CNTN4: variants seen among roughly 807,000 people sequenced by gnomAD.
CNTN4 encodes the protein contactin-4.
In CNTN4, 77 loss-of-function variants were observed where a neutral mutation model predicts 122.5. That is an observed-to-expected ratio of 0.63 (90% CI 0.52 to 0.76). The LOEUF (loss-of-function observed/expected upper bound fraction) is 0.76, where lower values mean the gene tolerates loss of function less well. CNTN4 is among the 30% of genes least tolerant of loss of function. The pLI, the probability that CNTN4 is intolerant of heterozygous loss-of-function variation, is 0.00. For missense variants in CNTN4, 1,256 were observed against 1,259.1 expected (o/e 1.00, Z 0.04); for synonymous variants, 512 against 447.0 (o/e 1.15, Z -1.83).
chr3:2,974,036 CCTT>C (rs972555551), intron 13 of CNTN4, among the ~76,000 whole-genome samples: 23 of 152,160 alleles, frequency 1.5e-4, no homozygotes, highest in African/African-American at 5.5e-4. Context: ...CTCTTACACT[CCTT>C]CTGAGAATAT....
At chr3:2,568,722 C>G (rs772168498) in intron 3 of CNTN4, among the ~76,000 whole-genome samples, 2 of 152,186 alleles carry the variant, frequency 1.3e-5, no homozygotes, top group African/African-American at 2.4e-5. Context: ...TTACTGTCCA[C>G]GACCCCATTA....
chr3:2,205,542 C>G (rs973371661), intron 2 of CNTN4, among the ~76,000 whole-genome samples: 1 of 151,914 alleles, frequency 6.6e-6, no homozygotes, highest in Non-Finnish European at 1.5e-5. Context: ...CAAATAAAAC[C>G]TGCTCAAGTT....
intron 3 of CNTN4, among the ~76,000 whole-genome samples, chr3:2,460,209 A>G (rs2049155167): frequency 6.6e-6 from 1 of 152,118 alleles, no homozygotes; most frequent in Admixed American, 6.6e-5. Context: ...GTTGCTCGGC[A>G]TGCTCTTTTC....
At chr3:2,582,486 G>A (rs2616581) in intron 4 of CNTN4, among the ~76,000 whole-genome samples, 71,840 of 151,652 alleles carry the variant, frequency 0.47, 17,609 homozygotes, top group Middle Eastern at 0.56. Context: ...GGGGGCGGCG[G>A]GGAGGGGCAG....
chr3:2,784,207 G>A (rs2091718433), intron 6 of CNTN4, among the ~76,000 whole-genome samples: 1 of 152,166 alleles, frequency 6.6e-6, no homozygotes, highest in South Asian at 2.1e-4. Flanking sequence ...ACATGAATGA[G>A]TGAACGGGGA....
At chr3:2,609,252 A>G (rs1328564960) in intron 4 of CNTN4, among the ~76,000 whole-genome samples, 1 of 152,196 alleles carries the variant, frequency 6.6e-6, no homozygotes, top group African/African-American at 2.4e-5. Flanking sequence ...GCCCTCGTGA[A>G]TGGATTAGCA....
chr3:2,227,287 T>C (rs1015591376), intron 2 of CNTN4, among the ~76,000 whole-genome samples: 1 of 152,186 alleles, frequency 6.6e-6, no homozygotes, highest in African/African-American at 2.4e-5. Context: ...GATGATAAAA[T>C]ATGGATAGAT....
chr3:2,961,155 G>C lies in CNTN4; in HGVS notation c.1359-27190G>C, dbSNP rs9865621. On this transcript the variant is annotated intron_variant, in intron 13 of 24. Coordinates refer to ENST00000418658, the MANE Select transcript of CNTN4 (RefSeq NM_175607.3). ...TGAGGCAGGAGAATGGCGTGAACCC[G>C]GGAGGCGGAGCTTGCAGTGAGCCGA... Among the ~76,000 whole-genome samples, 19 of 137,252 alleles carry C rather than the reference G, an allele frequency of 1.4e-4. 2 individuals are homozygous for C. The East Asian group carries it at 2.0e-3, about 14-fold the overall frequency. 90.0% of individuals were successfully genotyped at this position (137,252 alleles called of 152,430 possible). A position where few individuals can be genotyped will look rare whatever the true frequency, so the allele number is the denominator to read the frequency against.
chr3:2,861,693 CAAAT>C (rs1316997426), intron 7 of CNTN4, among the ~76,000 whole-genome samples: 1 of 152,094 alleles, frequency 6.6e-6, no homozygotes, highest in African/African-American at 2.4e-5. Context: ...CAGCTTAAAT[CAAAT>C]AAATAAGAGT....
chr3:2,955,920 T>G (rs931797341), intron 13 of CNTN4, among the ~76,000 whole-genome samples: 1 of 152,190 alleles, frequency 6.6e-6, no homozygotes, highest in Non-Finnish European at 1.5e-5. Flanking sequence ...AATTACCATA[T>G]GATTGAACAA....
chr3:2,721,050 G>T (rs368050687), intron 4 of CNTN4, among the ~76,000 whole-genome samples: 1 of 152,126 alleles, frequency 6.6e-6, no homozygotes, highest in African/African-American at 2.4e-5. Flanking sequence ...TCGGCTCACT[G>T]CAACCTCCAC....
chr3:2,395,901 G>T (rs539268759), intron 3 of CNTN4, among the ~76,000 whole-genome samples: 1 of 152,086 alleles, frequency 6.6e-6, no homozygotes, highest in Non-Finnish European at 1.5e-5. Context: ...TGGCTTATAG[G>T]TAGCTCTTGT....
Position 2,644,756 on chromosome 3 carries a change from A to T in CNTN4, c.55+73198A>T, listed in dbSNP as rs190501988. On this transcript the variant is annotated intron_variant, in intron 4 of 24. Coordinates refer to ENST00000418658, the MANE Select transcript of CNTN4 (RefSeq NM_175607.3). ...AAATGGGCGCAGGCTTTTTGTGGCT[A>T]ACCCTGAGCATACTAGATTAATATA... Among the ~76,000 whole-genome samples, 379 of 145,048 alleles carry T rather than the reference A, an allele frequency of 2.6e-3. 1 individual carries two copies. Among genetic ancestry groups the T allele is most frequent in the African/African-American group, 9.3e-3 (362 of 38,938 alleles).
At chr3:2,330,867 T>G (rs1245824855) in intron 2 of CNTN4, among the ~76,000 whole-genome samples, 2 of 152,172 alleles carry the variant, frequency 1.3e-5, no homozygotes, top group Non-Finnish European at 2.9e-5. Context: ...CCTAAGTTGT[T>G]AATTAATACT....
At chr3:2,617,957 A>G (rs186445337) in intron 4 of CNTN4, among the ~76,000 whole-genome samples, 93 of 152,342 alleles carry the variant, frequency 6.1e-4, no homozygotes, top group Middle Eastern at 3.4e-3. Context: ...CAAATTTCCA[A>G]GAGATGGATG....
chr3:2,631,231 A>C (rs1196675827), intron 4 of CNTN4, among the ~76,000 whole-genome samples: 1 of 152,200 alleles, frequency 6.6e-6, no homozygotes, highest in Admixed American at 6.5e-5. Context: ...TAAGGTTAAA[A>C]TCCATATAGT....
intron 8 of CNTN4, 50 bp downstream of exon 8, chr3:2,866,999 A>T: frequency 6.7e-7 from 1 of 1,493,444 alleles, no homozygotes; most frequent in South Asian, 1.1e-5. Context: ...TCACAGGATG[A>T]ATGTGGAGGT....
rs1468556631 is a variant in CNTN4, at chr3:2,479,204, T to C, written c.-88-92212T>C. ...TTGCTTTTTTAAGAGAAAAAAATAATAACTTTATCTGTTGTTACCATTTCT... is the reference window on the plus strand; with the variant it reads ...TTGCTTTTTTAAGAGAAAAAAATAACAACTTTATCTGTTGTTACCATTTCT... On this transcript the variant is annotated intron_variant, in intron 3 of 24. Coordinates refer to ENST00000418658, the MANE Select transcript of CNTN4 (RefSeq NM_175607.3). 2.0e-5 allele frequency among the ~76,000 whole-genome samples: 3 copies of C among 152,212 alleles called. No individual in the cohort carries two copies. In the East Asian group the frequency reaches 5.8e-4, roughly 29 times the overall value.
intron 4 of CNTN4, among the ~76,000 whole-genome samples, chr3:2,705,603 TTTTATATA>T (rs2086637559): frequency 2.3e-5 from 2 of 87,244 alleles, no homozygotes; most frequent in Admixed American, 4.1e-4. Context: ...TTTATATAAA[TTTTATATA>T]TTTATATATA....
Sources: allele counts gnomAD v4.1 joint callset (sites outside exome capture counted in the v4.1 genomes callset), GRCh38; gene constraint gnomAD v4.1.1; transcripts MANE v1.5; gene names NCBI Gene and HGNC (gene_info 2026-07-23, HGNC 2026-07-21).